The following DNAH11 variants were observed in gnomAD, a reference collection of about 807,000 sequenced individuals.
The protein encoded by DNAH11 is dynein axonemal heavy chain 11.
DNAH11 carries 442 observed loss-of-function variants against 526.0 expected under a neutral mutation model. That is an observed-to-expected ratio of 0.84 (90% CI 0.78 to 0.91). DNAH11 has a LOEUF of 0.91. DNAH11 is among the 40% of genes least tolerant of loss of function. DNAH11 has a pLI of 0.00. For synonymous variants in DNAH11, 2,461 were observed against 1,935.9 expected (o/e 1.27, Z -7.12); for missense variants, 6,989 against 5,448.7 (o/e 1.28, Z -8.90).
chr7:21,609,994 C>T lies in DNAH11; in HGVS notation c.3852+3261C>T, dbSNP rs112193505. Among the ~76,000 whole-genome samples, 205 of 152,284 alleles carry T rather than the reference C, an allele frequency of 1.3e-3. 2 individuals are homozygous for T. Among genetic ancestry groups the T allele is most frequent in the South Asian group, 5.2e-3 (25 of 4,820 alleles). ...AAGGGGCCGGGCGCGGTGGCTCACG[C>T]CTGTAATCCCAGCACTTTGGGAGGC... On this transcript the variant is annotated intron_variant, in intron 20 of 81. Coordinates refer to ENST00000409508, the MANE Select transcript of DNAH11 (RefSeq NM_001277115.2).
At chr7:21,900,908 A>C (rs1784777836) in intron 81 of DNAH11, 99 bp from the exon 82 acceptor site, 1 of 1,477,786 alleles carries the variant, frequency 6.8e-7, no homozygotes, top group Non-Finnish European at 9.0e-7. Flanking sequence ...ATATGACAAA[A>C]CCAGAATGTT....
At chr7:21,804,238 A>G in intron 62 of DNAH11, among the ~76,000 whole-genome samples, 1 of 151,982 alleles carries the variant, frequency 6.6e-6, no homozygotes, top group African/African-American at 2.4e-5. Flanking sequence ...CCTCCCGAGT[A>G]CCTGGGACTA....
At chr7:21,609,812 C>T (rs1785444353) in intron 20 of DNAH11, among the ~76,000 whole-genome samples, 1 of 152,162 alleles carries the variant, frequency 6.6e-6, no homozygotes, top group African/African-American at 2.4e-5. Context: ...AAGTCTAGAA[C>T]TATGAGATTG....
At chr7:21,594,695 G>A (rs1054908232) in intron 14 of DNAH11, among the ~76,000 whole-genome samples, 1 of 152,090 alleles carries the variant, frequency 6.6e-6, no homozygotes, top group Non-Finnish European at 1.5e-5. Context: ...TAGTTTTGGG[G>A]CAGGAGATCC....
At chr7:21,900,957 C>A in intron 81 of DNAH11, 50 bp from the exon 82 acceptor site, 1 of 1,517,056 alleles carries the variant, frequency 6.6e-7, no homozygotes, top group Non-Finnish European at 8.8e-7. Context: ...TGATCATTAT[C>A]ATTAGTAGCA....
intron 79 of DNAH11, 100 bp from the exon 80 acceptor site, chr7:21,899,236 C>A: frequency 1.1e-6 from 1 of 887,022 alleles, no homozygotes; most frequent in Non-Finnish European, 1.9e-6. Context: ...GTATACTTCT[C>A]CTCCACCACC....
rs749526475 is a variant in DNAH11, at chr7:21,779,092, T to C, written c.9471T>C (p.Ala3157=). 1.2e-6 allele frequency: 2 copies of C among 1,612,544 alleles called. No individual in the cohort carries two copies. The highest frequency in any genetic ancestry group is 1.1e-5 in the South Asian group (1 of 91,014). ...GCCGGGAAAAGACCATCGCTGATGC[T>C]GAGGAGCGAAAGGTCAGGCTAATTC... ...KVSREKTIAD[A]EERKVTAIQT... is the part of the protein sequence containing the mutation. Residue 3157 remains alanine (A), a synonymous_variant, in exon 57 of 82, where the codon GCT becomes GCC. Coordinates refer to ENST00000409508, the MANE Select transcript of DNAH11 (RefSeq NM_001277115.2).
chr7:21,827,221 C>G (rs910348135), intron 65 of DNAH11, among the ~76,000 whole-genome samples: 2 of 152,146 alleles, frequency 1.3e-5, no homozygotes, highest in African/African-American at 4.8e-5. Flanking sequence ...ATAATTAAAT[C>G]CACCAAGCTC....
At chr7:21,796,526 T>C (rs1003134633) in intron 61 of DNAH11, among the ~76,000 whole-genome samples, 2 of 152,086 alleles carry the variant, frequency 1.3e-5, no homozygotes, top group Admixed American at 1.3e-4. Flanking sequence ...TACAGAATGA[T>C]GATATCTGAA....
rs908828156 is a variant in DNAH11 at position 21,680,308 on chromosome 7, A to G, written c.5329-1238A>G. Among the ~76,000 whole-genome samples, 30 of 152,302 alleles carry G rather than the reference A, an allele frequency of 2.0e-4. No homozygotes were observed. In the East Asian group the frequency reaches 2.1e-3, roughly 11 times the overall value. ...CTTTCTTAGGTGCTAGCAGTTTGTC[A>G]TTGACTGTCCTTTTGCAGAGCTGAA... On this transcript the variant is annotated intron_variant, in intron 30 of 81. Transcript: ENST00000409508.
At chr7:21,777,430 A>G (rs2214324) in intron 56 of DNAH11, among the ~76,000 whole-genome samples, 79,151 of 151,660 alleles carry the variant, frequency 0.52, 20,945 homozygotes, top group East Asian at 0.62. Flanking sequence ...ATCCACAAAC[A>G]ACCAAAAATG....
At chr7:21,789,131 A>AG (rs1208009734) in intron 60 of DNAH11, 110 bp from the exon 61 acceptor site, 27 of 817,542 alleles carry the variant, frequency 3.3e-5, no homozygotes, top group Non-Finnish European at 4.9e-5. Flanking sequence ...TCAATAAAAA[A>AG]AGAGAAGTTG....
intron 55 of DNAH11, among the ~76,000 whole-genome samples, chr7:21,768,718 C>T (rs2127975873): frequency 1.3e-5 from 2 of 152,274 alleles, no homozygotes; most frequent in East Asian, 3.9e-4. Flanking sequence ...TACTGTTTTC[C>T]ACAACTGATG....
intron 4 of DNAH11, among the ~76,000 whole-genome samples, 156 bp from the exon 5 acceptor site, chr7:21,560,915 A>G (rs1783431400): frequency 6.6e-6 from 1 of 152,250 alleles, no homozygotes; most frequent in African/African-American, 2.4e-5. Flanking sequence ...ATGTATTTTT[A>G]AAATTATTTT....
intron 58 of DNAH11, among the ~76,000 whole-genome samples, chr7:21,785,640 C>T (rs537379796): frequency 6.6e-6 from 1 of 152,250 alleles, no homozygotes; most frequent in African/African-American, 2.4e-5. Context: ...AAATTTTTCT[C>T]TGAATAATTA....
chr7:21,730,755 G>C (rs1384883179), intron 45 of DNAH11, among the ~76,000 whole-genome samples: 2 of 152,160 alleles, frequency 1.3e-5, no homozygotes, highest in Non-Finnish European at 2.9e-5. Context: ...AAGTTCAAGA[G>C]ATCTATCGTA....
intron 20 of DNAH11, among the ~76,000 whole-genome samples, chr7:21,614,046 G>A (rs941001878): frequency 6.6e-6 from 1 of 151,714 alleles, no homozygotes; most frequent in African/African-American, 2.4e-5. Flanking sequence ...CAAAGTGCTG[G>A]GATTACAAGC....
At chr7:21,877,492 T>G (rs1382938367) in intron 74 of DNAH11, among the ~76,000 whole-genome samples, 1 of 152,200 alleles carries the variant, frequency 6.6e-6, no homozygotes, top group Non-Finnish European at 1.5e-5. Flanking sequence ...ATCCTGAGCA[T>G]TCCAGAATAT....
At position 21,894,735 on chromosome 7, in the gene DNAH11, A is replaced by T. The variant is rs767662114; in HGVS notation, c.12863A>T (p.Glu4288Val). Reference sequence around the variant, plus strand: ...CCATATGTTCTTGTTTGCTTCCAAGAATGTGAGAGGATGAATATTCTCATT... The same window carrying T: ...CCATATGTTCTTGTTTGCTTCCAAGTATGTGAGAGGATGAATATTCTCATT... ...RSPYVLVCFQECERMNILIRE... is the reference protein window; with the variant it reads ...RSPYVLVCFQVCERMNILIRE... Residue 4288 changes from glutamate (E) to valine (V), a missense_variant, in exon 78 of 82, where the codon GAA becomes GTA. By Grantham distance (121) the Glu-to-Val change is moderately radical. Transcript: ENST00000409508. The T allele has an allele frequency of 6.2e-7, 1 of 1,613,110 alleles. No homozygotes were observed. The highest frequency in any genetic ancestry group is 1.1e-5 in the South Asian group (1 of 90,786).
Sources: gnomAD v4.1 joint callset for allele counts (sites outside exome capture counted in the v4.1 genomes callset) on GRCh38, gnomAD v4.1.1 for gene constraint, MANE v1.5 for transcripts, NCBI Gene and HGNC (gene_info 2026-07-23, HGNC 2026-07-21) for gene names.